CYGB: variants seen among roughly 807,000 people sequenced by gnomAD.
CYGB encodes the protein cytoglobin, also known as histoglobin.
Under a neutral mutation model 20.7 loss-of-function variants are expected in CYGB, and 13 were observed. The observed-to-expected ratio is 0.63, with a 90% confidence interval of 0.41 to 1.00. The LOEUF (loss-of-function observed/expected upper bound fraction) is 1.00. Among genes scored for constraint, CYGB ranks in the 50% least tolerant of loss-of-function variants. CYGB has a pLI of 0.00. For synonymous variants in CYGB, 93 were observed against 107.4 expected (o/e 0.87, Z 0.83); for missense variants, 218 against 257.2 (o/e 0.85, Z 1.04).
chr17:76,531,261 C>G lies in CYGB; in HGVS notation c.376-119G>C, dbSNP rs946079788. 79 of 1,273,200 alleles carry G rather than the reference C, an allele frequency of 6.2e-5. No homozygotes were observed. The highest frequency in any genetic ancestry group is 4.3e-4 in the East Asian group (17 of 39,782). 78.9% of individuals were successfully genotyped at this position (1,273,200 alleles called of 1,614,324 possible). ...CATTCCTAACGCAACAGTCTGGCAG[C>G]TTTGGGAACCCCGTGCTCTCAGGAC... is the stretch of plus-strand genomic sequence containing the variant. On this transcript the variant is annotated intron_variant, in intron 2 of 3. Coordinates refer to ENST00000293230, the MANE Select transcript of CYGB (RefSeq NM_134268.5). This position sits in a 1 kb window ranked among gnomAD's most constrained non-coding sequence, Gnocchi z 7.4.
At chr17:76,529,305 A>C in intron 3 of CYGB, 2 of 985,456 alleles carry the variant, frequency 2.0e-6, no homozygotes, top group Non-Finnish European at 2.4e-6. Flanking sequence ...ACCACTTGAC[A>C]GCTGGGAGTA....
intron 1 of CYGB, chr17:76,543,318 G>A: frequency 2.9e-6 from 1 of 346,506 alleles, no homozygotes; most frequent in Admixed American, 3.8e-5. Context: ...TAGGATGAGG[G>A]ACTTGCTGGG....
chr17:76,528,677 G>C lies in CYGB; in HGVS notation c.540-66C>G. On this transcript the variant is annotated intron_variant, in intron 3 of 3. Transcript: ENST00000293230. This position sits in a 1 kb window ranked among gnomAD's most constrained non-coding sequence, Gnocchi z 5.8. ...GGCAGGGAAGGACCCTCGGGGGAAA[G>C]GGGGAGGACCTGGGGCTGGCGAGGC... 8.1e-7 allele frequency: 1 copy of C among 1,237,054 alleles called. No individual in the cohort carries two copies. 76.6% of individuals were successfully genotyped at this position (1,237,054 alleles called of 1,614,324 possible).
In CYGB at chr17:76,528,399, C is replaced by T. The variant is rs918855458; in HGVS notation, c.*179G>A. 1.2e-5 allele frequency: 6 copies of T among 505,112 alleles called. No individual in the cohort carries two copies. Among genetic ancestry groups the T allele is most frequent in the African/African-American group, 4.0e-5 (2 of 50,492 alleles). 31.3% of individuals were successfully genotyped at this position (505,112 alleles called of 1,614,324 possible). On this transcript the variant is annotated 3_prime_UTR_variant, in exon 4 of 4. Transcript: ENST00000293230. The surrounding 1 kb of genome is among the most constrained non-coding windows in gnomAD (Gnocchi z 5.8). ...CTGGGGTCAGCATCCAGGCAGCCAG[C>T]GCCGCCTCCCAGCAGCTCCAGGGGG...
intron 3 of CYGB, chr17:76,529,294 C>T (rs2074805306): frequency 1.0e-6 from 1 of 985,448 alleles, no homozygotes; most frequent in South Asian, 4.7e-5. Flanking sequence ...GGGACCACCC[C>T]ACCACTTGAC....
chr17:76,529,451 G>A (rs919852803), intron 3 of CYGB: 1 of 985,488 alleles, frequency 1.0e-6, no homozygotes, highest in Non-Finnish European at 1.2e-6. Flanking sequence ...AGGGCAGGGT[G>A]GGGAGGGCAG....
chr17:76,529,139 T>TA (rs1555623051), intron 3 of CYGB: 2 of 975,716 alleles, frequency 2.0e-6, no homozygotes, highest in Admixed American at 6.9e-5. Flanking sequence ...GCTTCCCTGA[T>TA]AAGAGAAGTT....
chr17:76,540,255 G>GA (rs773995352), upstream of CYGB: 1 of 1,095,562 alleles, frequency 9.1e-7, no homozygotes, highest in South Asian at 1.3e-5. This position sits in a 1 kb window ranked among gnomAD's most constrained non-coding sequence, Gnocchi z 5.0. Flanking sequence ...GTTGGTCGGG[G>GA]GGGGGGGGCA....
chr17:76,531,752 C>T lies in CYGB; in HGVS notation c.144-61G>A. On this transcript the variant is annotated intron_variant, in intron 1 of 3. Coordinates refer to ENST00000293230, the MANE Select transcript of CYGB (RefSeq NM_134268.5). This position sits in a 1 kb window ranked among gnomAD's most constrained non-coding sequence, Gnocchi z 7.4. ...AGGCTGCCTCGGGCCCACCCTGAAG[C>T]TTCCAGGATAGTGGGGGCTGAAGAA... The T allele has an allele frequency of 3.5e-6, 5 of 1,430,444 alleles. No individual in the cohort carries two copies. The South Asian group carries it at 5.2e-5, about 15-fold the overall frequency. 88.6% of individuals were successfully genotyped at this position (1,430,444 alleles called of 1,614,324 possible).
intron 1 of CYGB, chr17:76,532,173 C>T (rs1317530706): frequency 1.3e-5 from 2 of 159,840 alleles, no homozygotes; most frequent in Non-Finnish European, 2.8e-5. Flanking sequence ...CAAAGTGAAA[C>T]TCCTTAACCG....
intron 1 of CYGB, chr17:76,544,870 G>A (rs1038519362): frequency 1.8e-5 from 8 of 456,662 alleles, no homozygotes; most frequent in African/African-American, 8.0e-5. Context: ...CGGCCCAGAC[G>A]CACTTCCCCA....
rs1038913425 is a variant in CYGB, at chr17:76,533,141, A to C, written c.144-1450T>G. Among the ~76,000 whole-genome samples, 1 of 152,146 alleles carries C rather than the reference A, an allele frequency of 6.6e-6. No homozygotes were observed. Among genetic ancestry groups the C allele is most frequent in the Non-Finnish European group, 1.5e-5 (1 of 68,020 alleles). ...CTGGTGGAACTGCTATTGGCGGGGA[A>C]GTTTGCACAGTGACCAGGGCACAGT... On this transcript the variant is annotated intron_variant, in intron 1 of 3. Coordinates refer to ENST00000293230, the MANE Select transcript of CYGB (RefSeq NM_134268.5). The surrounding 1 kb of genome is among the most constrained non-coding windows in gnomAD (Gnocchi z 4.5).
chr17:76,542,969 A>G (rs2075009297), intron 1 of CYGB: 1 of 502,240 alleles, frequency 2.0e-6, no homozygotes, highest in East Asian at 6.0e-5. Context: ...CCACTCTGAA[A>G]TGCGAGTCCC....
chr17:76,528,913 T>C lies in CYGB; in HGVS notation c.540-302A>G. 8.5e-7 allele frequency: 1 copy of C among 1,179,748 alleles called. No homozygotes were observed. The highest frequency in any genetic ancestry group is 1.0e-6 in the Non-Finnish European group (1 of 955,628). 73.1% of individuals were successfully genotyped at this position (1,179,748 alleles called of 1,614,324 possible). On this transcript the variant is annotated intron_variant, in intron 3 of 3. Coordinates refer to ENST00000293230, the MANE Select transcript of CYGB (RefSeq NM_134268.5). The surrounding 1 kb of genome is among the most constrained non-coding windows in gnomAD (Gnocchi z 5.8). ...GTGTTTCACAAACTGCAAAGCACGATACCAATGTGAGCTCTTTTTCCATTA... is the reference window on the plus strand; with the variant it reads ...GTGTTTCACAAACTGCAAAGCACGACACCAATGTGAGCTCTTTTTCCATTA...
In CYGB at chr17:76,530,155, C is replaced by T; in HGVS notation, c.539+824G>A. ...TCTCTACCACGCGTGTCCCGGGCTGCTGGCTGACCTCTGCTTCCCATTCCC... is the reference window on the plus strand; with the variant it reads ...TCTCTACCACGCGTGTCCCGGGCTGTTGGCTGACCTCTGCTTCCCATTCCC... On this transcript the variant is annotated intron_variant, in intron 3 of 3. Coordinates refer to ENST00000293230, the MANE Select transcript of CYGB (RefSeq NM_134268.5). This position sits in a 1 kb window ranked among gnomAD's most constrained non-coding sequence, Gnocchi z 6.1. 9.6e-6 allele frequency: 9 copies of T among 937,394 alleles called. No homozygotes were observed. The highest frequency in any genetic ancestry group is 1.1e-5 in the Non-Finnish European group (9 of 786,108). 58.1% of individuals were successfully genotyped at this position (937,394 alleles called of 1,614,324 possible). A position where few individuals can be genotyped will look rare whatever the true frequency, so the allele number is the denominator to read the frequency against.
At chr17:76,536,960 C>T (rs1415693382) in intron 1 of CYGB, among the ~76,000 whole-genome samples, 1 of 152,228 alleles carries the variant, frequency 6.6e-6, no homozygotes, top group Admixed American at 6.5e-5. Flanking sequence ...TCCCGCAAGC[C>T]GCTGAGCTGG....
chr17:76,543,767 G>C, intron 1 of CYGB: 1 of 470,414 alleles, frequency 2.1e-6, no homozygotes, highest in Non-Finnish European at 4.4e-6. Flanking sequence ...GTTTGCCACA[G>C]TGGCACTCGC....
Position 76,542,912 on chromosome 17 carries a change from G to A in CYGB, c.-53+7950C>T, listed in dbSNP as rs372370985. On this transcript the variant is annotated intron_variant, in intron 1 of 3. Transcript: ENST00000589145. ...GCGAGGTGGTCGTGCTGGGGCATGA[G>A]GGCAGTGTCGGAGGACGCCCAAGGG... is the stretch of plus-strand genomic sequence containing the variant. The A allele has an allele frequency of 1.9e-5, 11 of 577,968 alleles. 1 individual carries two copies. The highest frequency in any genetic ancestry group is 1.6e-4 in the East Asian group (4 of 25,072). 35.8% of individuals were successfully genotyped at this position (577,968 alleles called of 1,614,324 possible).
upstream of CYGB, chr17:76,540,434 T>A: frequency 6.5e-7 from 1 of 1,544,442 alleles, no homozygotes; most frequent in Non-Finnish European, 9.0e-7. The surrounding 1 kb of genome is among the most constrained non-coding windows in gnomAD (Gnocchi z 5.0). Flanking sequence ...CAATGCGGCC[T>A]GGACCTGTGG....
Sources: allele counts gnomAD v4.1 joint callset (sites outside exome capture counted in the v4.1 genomes callset), GRCh38; gene constraint gnomAD v4.1.1; non-coding constraint Gnocchi (gnomAD v3.1); transcripts MANE v1.5; gene names NCBI Gene and HGNC (gene_info 2026-07-23, HGNC 2026-07-21).